The following GASK1B variants were observed in gnomAD, a reference collection of about 807,000 sequenced individuals.
GASK1B encodes golgi associated kinase 1B.
In GASK1B, 34 loss-of-function variants were observed where a neutral mutation model predicts 42.8. The observed-to-expected ratio is 0.79, with a 90% CI of 0.60 to 1.06. The LOEUF (loss-of-function observed/expected upper bound fraction) is 1.06, where lower values mean the gene tolerates loss of function less well. GASK1B is among the 50% of genes least tolerant of loss of function. The probability of loss-of-function intolerance (pLI) is 0.00; values close to 1 mark genes in which losing one functional copy is unlikely to be tolerated. For missense variants in GASK1B, 686 were observed against 661.0 expected (o/e 1.04, Z -0.42); for synonymous variants, 262 against 259.1 (o/e 1.01, Z -0.11).
At chr4:158,156,914 A>C (rs1411704989) in intron 2 of GASK1B, among the ~76,000 whole-genome samples, 1 of 152,130 alleles carries the variant, frequency 6.6e-6, no homozygotes, top group Admixed American at 6.5e-5. Flanking sequence ...AAATAGCCTT[A>C]CATGTTCTCA....
chr4:158,158,440 C>G (rs1731840141), intron 2 of GASK1B, among the ~76,000 whole-genome samples: 1 of 151,890 alleles, frequency 6.6e-6, no homozygotes, highest in South Asian at 2.1e-4. Context: ...TTTCATGGAG[C>G]TTACATTTCT....
At chr4:158,130,309 T>C (rs891679323) in intron 4 of GASK1B, among the ~76,000 whole-genome samples, 26 of 152,202 alleles carry the variant, frequency 1.7e-4, no homozygotes, top group African/African-American at 5.5e-4. Context: ...ACTTACCAGA[T>C]TGGCTGTCAT....
At chr4:158,164,584 GA>G (rs1732154322) in intron 2 of GASK1B, among the ~76,000 whole-genome samples, 1 of 152,168 alleles carries the variant, frequency 6.6e-6, no homozygotes, top group African/African-American at 2.4e-5. Flanking sequence ...TTCTGAGGAA[GA>G]ACACAACATA....
chr4:158,171,207 T>C lies in GASK1B; in HGVS notation c.169A>G (p.Arg57Gly), dbSNP rs201508892. The C allele has an allele frequency of 3.1e-6, 5 of 1,613,716 alleles. No homozygotes were observed. Among genetic ancestry groups the C allele is most frequent in the Non-Finnish European group, 4.2e-6 (5 of 1,179,918 alleles). The stretch of plus-strand genomic sequence containing the variant: ...GCCTGTCCATGCTGGAGAGAGGCCC[T>C]CCCCACCTGGCTCACCAGGAAGCCC... ...YLGFLVSQVG[R>G]ASLQHGQAAE... The change falls in exon 2 of 5, where the codon AGG (arginine) becomes GGG (glycine). Residue 57 changes from arginine to glycine, a missense_variant. Coordinates refer to ENST00000585682, the MANE Select transcript of GASK1B (RefSeq NM_001128424.2).
At chr4:158,129,580 C>T (rs1730598936) in intron 4 of GASK1B, among the ~76,000 whole-genome samples, 1 of 152,076 alleles carries the variant, frequency 6.6e-6, no homozygotes, top group Non-Finnish European at 1.5e-5. Context: ...TTGAAATATG[C>T]TCCAGAATAT....
Position 158,171,544 on chromosome 4 carries a change from T to C in GASK1B, c.-169A>G, listed in dbSNP as rs920946407. ...TTGGTGATGAAGCTGGGAATGTTTC[T>C]GACACAACAAACCTTTTAAATTATC... is the stretch of plus-strand genomic sequence containing the variant. On this transcript the variant is annotated 5_prime_UTR_variant, in exon 2 of 5. Coordinates refer to ENST00000585682, the MANE Select transcript of GASK1B (RefSeq NM_001128424.2). 1 of 616,132 alleles carries C rather than the reference T, an allele frequency of 1.6e-6. No homozygotes were observed. The highest frequency in any genetic ancestry group is 2.6e-6 in the Non-Finnish European group (1 of 387,174). The allele number at this position is 616,132 out of a possible 1,614,324, so 38.2% of individuals were successfully genotyped here.
intron 3 of GASK1B, among the ~76,000 whole-genome samples, chr4:158,151,102 G>C (rs1731538563): frequency 6.6e-6 from 1 of 152,144 alleles, no homozygotes; most frequent in Non-Finnish European, 1.5e-5. Context: ...CAACGGAAAA[G>C]TTTTTTTCTA....
intron 3 of GASK1B, among the ~76,000 whole-genome samples, chr4:158,152,706 C>T (rs1350984477): frequency 6.6e-6 from 1 of 151,952 alleles, no homozygotes; most frequent in African/African-American, 2.4e-5. Flanking sequence ...GCAAGCAAGT[C>T]AATAAATGAG....
At chr4:158,145,430 A>G (rs1237897646) in intron 3 of GASK1B, among the ~76,000 whole-genome samples, 2 of 152,236 alleles carry the variant, frequency 1.3e-5, no homozygotes, top group Admixed American at 1.3e-4. Context: ...TATTGCAGCC[A>G]TCTGAAAGAA....
intron 2 of GASK1B, among the ~76,000 whole-genome samples, chr4:158,166,873 A>G (rs1732248782): frequency 6.6e-6 from 1 of 152,078 alleles, no homozygotes; most frequent in African/African-American, 2.4e-5. Context: ...CCCCTAAAGG[A>G]TTTGTTGAGG....
intron 3 of GASK1B, among the ~76,000 whole-genome samples, chr4:158,143,057 G>A (rs1731195151): frequency 6.6e-6 from 1 of 152,182 alleles, no homozygotes; most frequent in Non-Finnish European, 1.5e-5. Flanking sequence ...TTGGGTATTT[G>A]ACTAAATCAC....
intron 3 of GASK1B, among the ~76,000 whole-genome samples, chr4:158,133,152 G>T (rs755369717): frequency 6.6e-6 from 1 of 152,108 alleles, no homozygotes; most frequent in Non-Finnish European, 1.5e-5. Flanking sequence ...GTTAAGGTCA[G>T]AAAGAACATG....
In GASK1B at chr4:158,124,743, A is replaced by G. The variant is rs1371572438; in HGVS notation, c.*2664T>C. On this transcript the variant is annotated 3_prime_UTR_variant, in exon 5 of 5. Coordinates refer to ENST00000585682, the MANE Select transcript of GASK1B (RefSeq NM_001128424.2). The stretch of plus-strand genomic sequence containing the variant: ...CAAACACAATCCAACAAAATTCTTG[A>G]CTCTCTTTCTTTTTTCACCGCTAAA... 6 of 152,114 alleles carry G rather than the reference A, an allele frequency of 3.9e-5. No homozygotes were observed. Among genetic ancestry groups the G allele is most frequent in the Non-Finnish European group, 8.8e-5 (6 of 68,024 alleles). The allele number at this position is 152,114 out of a possible 1,614,324, so 9.4% of individuals were successfully genotyped here. A position where few individuals can be genotyped will look rare whatever the true frequency, so the allele number is the denominator to read the frequency against.
intron 3 of GASK1B, among the ~76,000 whole-genome samples, chr4:158,133,900 T>G (rs914670708): frequency 6.6e-6 from 1 of 151,874 alleles, no homozygotes; most frequent in Non-Finnish European, 1.5e-5. Flanking sequence ...GGCATATGTG[T>G]GTGTGTGTGT....
At chr4:158,137,716 T>A (rs1002710011) in intron 3 of GASK1B, among the ~76,000 whole-genome samples, 3 of 151,988 alleles carry the variant, frequency 2.0e-5, no homozygotes, top group African/African-American at 7.2e-5. Flanking sequence ...GCCCACAGTA[T>A]TCCCCCCTGC....
chr4:158,171,300 G>T lies in GASK1B; in HGVS notation c.76C>A (p.Leu26Ile). ...GTCCTTGGACGCCGGCTGCTCCAGA[G>T]CTTACGCACCCGCGGGACGCACAGG... ...CSLCVPRVRK[L>I]WSSRRPRTRR... Residue 26 changes from leucine to isoleucine, a missense_variant, in exon 2 of 5, where the codon CTC becomes ATC. By Grantham distance (5) the Leu-to-Ile change is conservative. Coordinates refer to ENST00000585682, the MANE Select transcript of GASK1B (RefSeq NM_001128424.2). The T allele has an allele frequency of 3.7e-6, 6 of 1,613,408 alleles. No homozygotes were observed. The highest frequency in any genetic ancestry group is 5.1e-6 in the Non-Finnish European group (6 of 1,179,734).
chr4:158,170,252 C>A (rs760367173), intron 2 of GASK1B: 1 of 1,614,166 alleles, frequency 6.2e-7, no homozygotes, highest in Admixed American at 1.7e-5. Flanking sequence ...CTTACTCTTG[C>A]ATGTCCAATA....
rs1174047971 is a variant in GASK1B at position 158,172,863 on chromosome 4, C to T, written c.-225+5G>A. The T allele has an allele frequency of 6.6e-6, 1 of 152,064 alleles. No individual in the cohort carries two copies. Among genetic ancestry groups the T allele is most frequent in the Non-Finnish European group, 1.5e-5 (1 of 68,038 alleles). 9.4% of individuals were successfully genotyped at this position (152,064 alleles called of 1,614,324 possible). A position where few individuals can be genotyped will look rare whatever the true frequency, so the allele number is the denominator to read the frequency against. On this transcript the variant is annotated splice_donor_5th_base_variant and intron_variant, in intron 1 of 4. Coordinates refer to ENST00000585682, the MANE Select transcript of GASK1B (RefSeq NM_001128424.2). The stretch of plus-strand genomic sequence containing the variant: ...AGAGCACAAGCGTTCCCAGGAACTA[C>T]TCACCTTACCATCTTGGCCGTTTCA...
At chr4:158,148,324 G>A (rs1731413170) in intron 3 of GASK1B, among the ~76,000 whole-genome samples, 1 of 152,246 alleles carries the variant, frequency 6.6e-6, no homozygotes, top group East Asian at 1.9e-4. Flanking sequence ...AAAAATATTA[G>A]TTTGCTTTCC....
Sources: allele counts gnomAD v4.1 joint callset (sites outside exome capture counted in the v4.1 genomes callset), GRCh38; gene constraint gnomAD v4.1.1; transcripts MANE v1.5; gene names NCBI Gene and HGNC (gene_info 2026-07-23, HGNC 2026-07-21).